NAALADL2: variants seen among roughly 807,000 people sequenced by gnomAD.
The protein encoded by NAALADL2 is inactive N-acetylated-alpha-linked acidic dipeptidase-like protein 2.
Under a neutral mutation model 87.2 loss-of-function variants are expected in NAALADL2, and 76 were observed. The observed-to-expected ratio is 0.87, with a 90% CI of 0.72 to 1.05. NAALADL2 has a LOEUF of 1.05. Ranked by LOEUF, NAALADL2 falls within the 50% of genes least tolerant of loss-of-function variation. NAALADL2 has a pLI of 0.00. For missense variants in NAALADL2, 1,089 were observed against 945.8 expected (o/e 1.15, Z -1.99); for synonymous variants, 354 against 331.0 (o/e 1.07, Z -0.75).
rs1754831116 is a variant in NAALADL2, at chr3:175,807,724, A to T, written c.*4521A>T. 1 of 151,946 alleles carries T rather than the reference A, an allele frequency of 6.6e-6. No individual in the cohort carries two copies. The highest frequency in any genetic ancestry group is 2.1e-4 in the South Asian group (1 of 4,836). 9.4% of individuals were successfully genotyped at this position (151,946 alleles called of 1,614,324 possible). A position where few individuals can be genotyped will look rare whatever the true frequency, so the allele number is the denominator to read the frequency against. On this transcript the variant is annotated 3_prime_UTR_variant, in exon 14 of 14. Coordinates refer to ENST00000454872, the MANE Select transcript of NAALADL2 (RefSeq NM_207015.3). Reference sequence around the variant, plus strand: ...ACAAACAAACAATATTTGAGAAAATATATATATTCTGCCCAGCCACACTGG... The same window carrying T: ...ACAAACAAACAATATTTGAGAAAATTTATATATTCTGCCCAGCCACACTGG...
intron 1 of NAALADL2, among the ~76,000 whole-genome samples, chr3:174,914,037 T>TTA (rs140660156): frequency 0.018 from 2,743 of 151,204 alleles, 78 homozygotes; most frequent in African/African-American, 0.062. Flanking sequence ...CTTTTTGGTT[T>TTA]TATATATATA....
intron 9 of NAALADL2, among the ~76,000 whole-genome samples, chr3:175,531,338 C>G (rs1244950301): frequency 2.0e-5 from 3 of 152,090 alleles, no homozygotes; most frequent in Non-Finnish European, 4.4e-5. Flanking sequence ...GAAGTAATAT[C>G]TTGACAAATC....
chr3:174,649,425 A>G (rs567090417), intron 2 of NAALADL2, among the ~76,000 whole-genome samples: 3 of 152,164 alleles, frequency 2.0e-5, no homozygotes, highest in Non-Finnish European at 2.9e-5. Context: ...TATATTATAT[A>G]CTTTTCCATT....
chr3:174,446,317 T>G (rs150204940), intron 1 of NAALADL2, among the ~76,000 whole-genome samples: 2 of 152,298 alleles, frequency 1.3e-5, no homozygotes, highest in Non-Finnish European at 1.5e-5. Flanking sequence ...TTTCATACTT[T>G]CAAACTTATA....
At chr3:174,919,137 G>C (rs935303296) in intron 1 of NAALADL2, among the ~76,000 whole-genome samples, 1 of 152,026 alleles carries the variant, frequency 6.6e-6, no homozygotes, top group African/African-American at 2.4e-5. Context: ...GCAGATGGGG[G>C]ATCTGGCCTT....
At chr3:175,263,850 A>G (rs746157989) in intron 4 of NAALADL2, among the ~76,000 whole-genome samples, 6 of 151,618 alleles carry the variant, frequency 4.0e-5, no homozygotes, top group Non-Finnish European at 8.9e-5. Context: ...TATATATATT[A>G]TATAGTACTC....
At chr3:174,838,165 C>T (rs1723584918) in intron 3 of NAALADL2, among the ~76,000 whole-genome samples, 1 of 151,780 alleles carries the variant, frequency 6.6e-6, no homozygotes, top group African/African-American at 2.4e-5. Flanking sequence ...GGGTTTCATA[C>T]CAGGGATGCA....
chr3:175,215,531 T>C (rs1742388179), intron 2 of NAALADL2, among the ~76,000 whole-genome samples: 1 of 152,134 alleles, frequency 6.6e-6, no homozygotes, highest in Non-Finnish European at 1.5e-5. Flanking sequence ...CAGTGTTAAG[T>C]GTCTCATCAG....
chr3:175,523,176 G>T (rs911661787), intron 9 of NAALADL2, among the ~76,000 whole-genome samples: 1 of 152,122 alleles, frequency 6.6e-6, no homozygotes, highest in Non-Finnish European at 1.5e-5. Flanking sequence ...TGATGTTGCC[G>T]CCTGGAAACA....
At chr3:174,994,782 T>C (rs1747205057) in intron 1 of NAALADL2, among the ~76,000 whole-genome samples, 1 of 152,182 alleles carries the variant, frequency 6.6e-6, no homozygotes, top group Non-Finnish European at 1.5e-5. Flanking sequence ...ATTTTTAATT[T>C]AGAGGTAGAC....
chr3:175,336,809 A>G (rs533536759), intron 5 of NAALADL2, among the ~76,000 whole-genome samples: 1 of 152,264 alleles, frequency 6.6e-6, no homozygotes, highest in South Asian at 2.1e-4. Context: ...GTGTTTTTTA[A>G]ACACAAATTT....
intron 1 of NAALADL2, among the ~76,000 whole-genome samples, chr3:174,918,252 C>A (rs534890239): frequency 2.2e-4 from 33 of 151,782 alleles, no homozygotes; most frequent in African/African-American, 7.7e-4. Flanking sequence ...CAAAATAACA[C>A]ACTAGATTTT....
At chr3:175,671,659 A>T (rs1734024953) in intron 11 of NAALADL2, among the ~76,000 whole-genome samples, 1 of 152,028 alleles carries the variant, frequency 6.6e-6, no homozygotes, top group Non-Finnish European at 1.5e-5. Flanking sequence ...TGCTAGAGTA[A>T]GTGGCTAAAT....
intron 2 of NAALADL2, among the ~76,000 whole-genome samples, chr3:174,561,241 C>T (rs1463930689): frequency 1.4e-5 from 2 of 147,466 alleles, no homozygotes; most frequent in Admixed American, 1.4e-4. Flanking sequence ...CGCTCTGTCA[C>T]CAGGCTGGAG....
chr3:174,617,213 T>C (rs1296870353), intron 2 of NAALADL2, among the ~76,000 whole-genome samples: 2 of 151,756 alleles, frequency 1.3e-5, no homozygotes, highest in Non-Finnish European at 3.0e-5. Context: ...GCAGCTCAAA[T>C]TTTCTTCTCT....
intron 7 of NAALADL2, among the ~76,000 whole-genome samples, chr3:175,464,240 C>T (rs1723629823): frequency 6.6e-6 from 1 of 151,888 alleles, no homozygotes; most frequent in Non-Finnish European, 1.5e-5. Context: ...ATCCTTGGTC[C>T]ATTGCCAAAT....
intron 1 of NAALADL2, among the ~76,000 whole-genome samples, chr3:175,008,721 C>CGTTATAGGGTAAGGCAG (rs1553915700): frequency 0.049 from 7,364 of 151,710 alleles, 377 homozygotes; most frequent in East Asian, 0.18. Context: ...TACCCTACAA[C>CGTTATAGGGTAAGGCAG]GTTATAGGGT....
At chr3:175,316,853 A>G (rs545399009) in intron 4 of NAALADL2, among the ~76,000 whole-genome samples, 139 of 152,296 alleles carry the variant, frequency 9.1e-4, no homozygotes, top group Non-Finnish European at 1.7e-3. Context: ...TTTATTGCCA[A>G]CTTCACTGGA....
chr3:175,388,515 G>T (rs1768688908), intron 5 of NAALADL2, among the ~76,000 whole-genome samples: 1 of 152,078 alleles, frequency 6.6e-6, no homozygotes, highest in African/African-American at 2.4e-5. Flanking sequence ...AGAGGATAAA[G>T]ATTGCTAATG....
Sources: gnomAD v4.1 joint callset for allele counts (sites outside exome capture counted in the v4.1 genomes callset) on GRCh38, gnomAD v4.1.1 for gene constraint, MANE v1.5 for transcripts, NCBI Gene and HGNC (gene_info 2026-07-23, HGNC 2026-07-21) for gene names.